The following RCC1L variants were observed in gnomAD, a reference collection of about 807,000 sequenced individuals.
RCC1L encodes RCC1-like G exchanging factor-like protein.
Under a neutral mutation model 58.6 loss-of-function variants are expected in RCC1L, and 46 were observed. That is an observed-to-expected ratio of 0.79 (90% CI 0.62 to 1.00). RCC1L has a LOEUF of 1.00. Among genes scored for constraint, RCC1L ranks in the 50% least tolerant of loss-of-function variants. RCC1L has a pLI of 0.00. For synonymous variants in RCC1L, 281 were observed against 262.9 expected, an observed-to-expected ratio of 1.07 and a Z score of -0.67; for missense variants, 636 against 623.6, an observed-to-expected ratio of 1.02 and a Z score of -0.21.
intron 9 of RCC1L, among the ~76,000 whole-genome samples, chr7:75,053,244 G>A (rs1339574060): frequency 9.0e-6 from 1 of 111,478 alleles, no homozygotes; most frequent in East Asian, 2.3e-4. Context: ...TCTGGGGGTG[G>A]TGGACAGGTC....
intron 7 of RCC1L, chr7:75,057,964 C>CT (rs1806133403): frequency 2.9e-6 from 1 of 345,036 alleles, no homozygotes; most frequent in African/African-American, 2.2e-5. Flanking sequence ...TCGAGACCAG[C>CT]CTGGCCAACA....
downstream of RCC1L, among the ~76,000 whole-genome samples, chr7:75,038,529 C>CA (rs1491524999): frequency 6.7e-4 from 93 of 139,046 alleles, no homozygotes; most frequent in Non-Finnish European, 9.3e-4. Context: ...CGCTTCCCGC[C>CA]TTTTTTTTTT....
chr7:75,033,867 ATAAATTAAAAAAAAT>A (rs1315135272), intron 10 of RCC1L, among the ~76,000 whole-genome samples: 2 of 152,040 alleles, frequency 1.3e-5, no homozygotes, highest in African/African-American at 4.8e-5. Flanking sequence ...CTAAAAAGCA[ATAAATTAAAAAAAAT>A]TAAATTAAAA....
intron 4 of RCC1L, among the ~76,000 whole-genome samples, 198 bp downstream of exon 4, chr7:75,064,384 T>C (rs1205198142): frequency 6.6e-6 from 1 of 151,112 alleles, no homozygotes; most frequent in Non-Finnish European, 1.5e-5. Context: ...CCAATGCTCA[T>C]GCCCCCTCTT....
intron 2 of RCC1L, among the ~76,000 whole-genome samples, chr7:75,070,207 C>T (rs1361343267): frequency 6.6e-6 from 1 of 152,164 alleles, no homozygotes; most frequent in Non-Finnish European, 1.5e-5. Flanking sequence ...CAGATGGTTT[C>T]AAACAACATC....
At chr7:75,035,187 C>T (rs1563069538) in intron 10 of RCC1L, among the ~76,000 whole-genome samples, 2 of 152,180 alleles carry the variant, frequency 1.3e-5, no homozygotes, top group Admixed American at 6.5e-5. Flanking sequence ...CACACTGCCA[C>T]ACCCAGCTAA....
intron 10 of RCC1L, among the ~76,000 whole-genome samples, chr7:75,033,807 A>G (rs1805372526): frequency 1.3e-5 from 2 of 152,052 alleles, no homozygotes; most frequent in Non-Finnish European, 2.9e-5. Context: ...CCAGTGAGCT[A>G]TGATGACACC....
rs371995537 is a variant in RCC1L, at chr7:75,066,808, G to T, written c.455-16C>A. The T allele has an allele frequency of 3.8e-5, 60 of 1,595,624 alleles. No individual in the cohort carries two copies. Among genetic ancestry groups the T allele is most frequent in the Non-Finnish European group, 4.9e-5 (58 of 1,172,066 alleles). On this transcript the variant is annotated splice_polypyrimidine_tract_variant and intron_variant, in intron 2 of 10. Transcript: ENST00000610322. ...TAGCCCCTCGCTGGAAAAGACACAG[G>T]ACACTGATTGAGGCATGCATTTCTA... is the stretch of plus-strand genomic sequence containing the variant.
rs1164806534 is a variant in RCC1L at position 75,030,716 on chromosome 7, C to T, written c.1318-2637G>A. Among the ~76,000 whole-genome samples the T allele has an allele frequency of 9.2e-5, 14 of 152,250 alleles. No individual in the cohort carries two copies. The East Asian group carries it at 2.7e-3, about 29-fold the overall frequency. Reference sequence around the variant, plus strand: ...AGATTCAAGGGCCCAGGGTAAAAGCCAACGTGTTATTTTTATCCCTAGCCT... The same window carrying T: ...AGATTCAAGGGCCCAGGGTAAAAGCTAACGTGTTATTTTTATCCCTAGCCT... On this transcript the variant is annotated intron_variant, in intron 10 of 10. Transcript: ENST00000614461.
chr7:75,029,987 G>A (rs1352375913), intron 10 of RCC1L, among the ~76,000 whole-genome samples: 10 of 152,324 alleles, frequency 6.6e-5, no homozygotes, highest in Admixed American at 4.6e-4. Flanking sequence ...GCAAGACCCT[G>A]CCTCTACAAG....
intron 2 of RCC1L, among the ~76,000 whole-genome samples, chr7:75,067,403 C>A (rs1242523406): frequency 6.6e-6 from 1 of 151,936 alleles, no homozygotes; most frequent in Admixed American, 6.6e-5. Flanking sequence ...CCAAGGCAGG[C>A]GGATCACTTG....
intron 2 of RCC1L, among the ~76,000 whole-genome samples, chr7:75,069,359 A>T (rs1489887524): frequency 6.6e-6 from 1 of 151,508 alleles, no homozygotes; most frequent in Non-Finnish European, 1.5e-5. Context: ...TGCTCAGCTA[A>T]TTCTTTTTCG....
At position 75,073,664 on chromosome 7, in the gene RCC1L, T is replaced by C. The variant is rs1806861036; in HGVS notation, c.74A>G (p.His25Arg). 2.7e-6 allele frequency: 4 copies of C among 1,484,914 alleles called. No individual in the cohort carries two copies. Among genetic ancestry groups the C allele is most frequent in the Non-Finnish European group, 3.6e-6 (4 of 1,125,870 alleles). 92.0% of individuals were successfully genotyped at this position (1,484,914 alleles called of 1,614,324 possible). ...RLSGPGLGRGHWTAAGRSRSR... is the reference protein window; with the variant it reads ...RLSGPGLGRGRWTAAGRSRSR... ...CCGGGAGCGCCCGGCCGCCGTCCAG[T>C]GCCCTCGCCCCAGCCCCGGCCCGCT... The change falls in exon 1 of 11, where the codon CAC becomes CGC. Residue 25 changes from histidine to arginine, a missense_variant. His to Arg is a conservative substitution (Grantham distance 29, BLOSUM62 0). Coordinates refer to ENST00000610322, the MANE Select transcript of RCC1L (RefSeq NM_030798.5).
intron 5 of RCC1L, among the ~76,000 whole-genome samples, chr7:75,062,869 G>A (rs1425231938): frequency 1.3e-5 from 2 of 152,086 alleles, no homozygotes; most frequent in East Asian, 3.9e-4. Context: ...CAATCTCTCA[G>A]CTCATTGCAG....
At chr7:75,070,010 T>C (rs1806660763) in intron 2 of RCC1L, among the ~76,000 whole-genome samples, 1 of 152,186 alleles carries the variant, frequency 6.6e-6, no homozygotes, top group Admixed American at 6.6e-5. Flanking sequence ...ATTTCAATGC[T>C]TTTTCCCTCC....
intron 10 of RCC1L, among the ~76,000 whole-genome samples, chr7:75,045,404 T>A (rs1253784222): frequency 1.3e-5 from 2 of 152,184 alleles, no homozygotes; most frequent in Non-Finnish European, 2.9e-5. Context: ...GGTCTCGAAC[T>A]CCTGGGCTCA....
chr7:75,055,589 TTCC>T, intron 9 of RCC1L: 1 of 399,866 alleles, frequency 2.5e-6, no homozygotes, highest in Non-Finnish European at 4.7e-6. Flanking sequence ...CTCTGCTGGT[TTCC>T]TCCAGCACCC....
At chr7:75,046,679 TAA>T (rs1805730378) in intron 10 of RCC1L, among the ~76,000 whole-genome samples, 1 of 152,242 alleles carries the variant, frequency 6.6e-6, no homozygotes, top group African/African-American at 2.4e-5. Flanking sequence ...GTTTTTCTTC[TAA>T]GCCAATTTAC....
At chr7:75,064,690 T>C in intron 3 of RCC1L, 42 bp from the exon 4 acceptor site, 1 of 1,607,652 alleles carries the variant, frequency 6.2e-7, no homozygotes, top group East Asian at 2.2e-5. Flanking sequence ...TGCAGGTTTG[T>C]GGGATCCTAG....
Sources: allele counts gnomAD v4.1 joint callset (sites outside exome capture counted in the v4.1 genomes callset), GRCh38; gene constraint gnomAD v4.1.1; transcripts MANE v1.5; gene names NCBI Gene and HGNC (gene_info 2026-07-23, HGNC 2026-07-21).